LAMA3: variants seen among roughly 807,000 people sequenced by gnomAD.
LAMA3 encodes laminin subunit alpha-3.
In LAMA3, 281 loss-of-function variants were observed where a neutral mutation model predicts 402.0. That is an observed-to-expected ratio of 0.70 (90% CI 0.63 to 0.77). The LOEUF is 0.77. Ranked by LOEUF, LAMA3 falls within the 30% of genes least tolerant of loss-of-function variation. LAMA3 has a pLI of 0.00. For missense variants in LAMA3, 3,840 were observed against 4,215.5 expected (o/e 0.91, Z 2.47); for synonymous variants, 1,431 against 1,558.4 (o/e 0.92, Z 1.93).
intron 11 of LAMA3, among the ~76,000 whole-genome samples, chr18:23,782,536 G>C (rs1161237849): frequency 2.0e-5 from 3 of 152,080 alleles, no homozygotes; most frequent in African/African-American, 4.8e-5. Flanking sequence ...CTGGGCGATA[G>C]AATGAAACTC....
At chr18:23,954,049 G>T (rs557650018) in intron 74 of LAMA3, among the ~76,000 whole-genome samples, 1 of 152,316 alleles carries the variant, frequency 6.6e-6, no homozygotes, top group South Asian at 2.1e-4. Flanking sequence ...TCAGACGCCT[G>T]CCTGAAGTGG....
chr18:23,819,026 G>A (rs939769010), intron 18 of LAMA3, among the ~76,000 whole-genome samples: 1 of 152,082 alleles, frequency 6.6e-6, no homozygotes, highest in African/African-American at 2.4e-5. Flanking sequence ...CATTTTTAAG[G>A]ATCTTTGTAA....
intron 8 of LAMA3, among the ~76,000 whole-genome samples, chr18:23,768,382 G>GA (rs2062124582): frequency 6.6e-6 from 1 of 152,126 alleles, no homozygotes; most frequent in African/African-American, 2.4e-5. Context: ...ACAAACGTAT[G>GA]AAAAAATGCT....
At chr18:23,835,325 C>T (rs979214458) in intron 24 of LAMA3, among the ~76,000 whole-genome samples, 3 of 152,224 alleles carry the variant, frequency 2.0e-5, no homozygotes, top group Non-Finnish European at 2.9e-5. Flanking sequence ...CTATTCATAA[C>T]AACCCTGGTG....
intron 68 of LAMA3, among the ~76,000 whole-genome samples, chr18:23,940,510 T>C (rs2082465031): frequency 6.6e-6 from 1 of 152,200 alleles, no homozygotes; most frequent in Admixed American, 6.5e-5. Context: ...TCTATGCCTG[T>C]CTTGCGTGTT....
intron 13 of LAMA3, 75 bp from the exon 14 acceptor site, chr18:23,812,982 T>C (rs1598842942): frequency 2.9e-6 from 3 of 1,046,246 alleles, no homozygotes; most frequent in Non-Finnish European, 4.5e-6. Flanking sequence ...AAACAAAACG[T>C]TTAAAACTTG....
chr18:23,744,886 C>T (rs2061625003), intron 2 of LAMA3, among the ~76,000 whole-genome samples: 1 of 133,686 alleles, frequency 7.5e-6, no homozygotes, highest in Non-Finnish European at 1.6e-5. Flanking sequence ...CAAGATGAAA[C>T]TTGTGGATTA....
chr18:23,691,863 C>T (rs1254894645), intron 1 of LAMA3, among the ~76,000 whole-genome samples: 1 of 152,204 alleles, frequency 6.6e-6, no homozygotes, highest in Non-Finnish European at 1.5e-5. Flanking sequence ...TGAGCCACTG[C>T]ACCCGGCCTG....
Position 23,689,656 on chromosome 18 carries a change from C to G in LAMA3, c.-28C>G, listed in dbSNP as rs2060539570. ...TGCCCCCGAGCCCCTCTGCGGACGG[C>G]TCAGGCGGGAGGACCCCGCGCGGCT... is the stretch of plus-strand genomic sequence containing the variant. On this transcript the variant is annotated 5_prime_UTR_variant, in exon 1 of 75. Transcript: ENST00000313654. The G allele has an allele frequency of 5.4e-6, 7 of 1,299,452 alleles. No individual in the cohort carries two copies. The highest frequency in any genetic ancestry group is 6.8e-6 in the Non-Finnish European group (7 of 1,029,472). The allele number at this position is 1,299,452 out of a possible 1,614,324, so 80.5% of individuals were successfully genotyped here. A position where few individuals can be genotyped will look rare whatever the true frequency, so the allele number is the denominator to read the frequency against.
chr18:23,715,749 T>C (rs935648241), intron 2 of LAMA3, among the ~76,000 whole-genome samples: 2 of 152,210 alleles, frequency 1.3e-5, no homozygotes, highest in Non-Finnish European at 2.9e-5. Context: ...ATGCTAATAC[T>C]AATATTAATG....
intron 68 of LAMA3, among the ~76,000 whole-genome samples, chr18:23,940,467 T>G (rs2082462191): frequency 6.6e-6 from 1 of 152,252 alleles, no homozygotes; most frequent in Non-Finnish European, 1.5e-5. Flanking sequence ...GGCTGCCACA[T>G]GCCGTTTAAC....
chr18:23,771,802 G>C (rs16960457), intron 8 of LAMA3, among the ~76,000 whole-genome samples: 5,962 of 152,242 alleles, frequency 0.039, 124 homozygotes, highest in Middle Eastern at 0.14. Context: ...GGTGTTCACT[G>C]TAAAGTTGGG....
chr18:23,731,802 TG>T (rs943970752), intron 2 of LAMA3, among the ~76,000 whole-genome samples: 12 of 152,140 alleles, frequency 7.9e-5, no homozygotes, highest in African/African-American at 2.9e-4. Context: ...GGGAAACTAC[TG>T]GGTACCATGC....
In LAMA3 at chr18:23,784,053, C is replaced by T. The variant is rs534293265; in HGVS notation, c.1499C>T (p.Pro500Leu). Residue 500 changes from proline to leucine, a missense_variant, in exon 12 of 75, where the codon CCT (proline) becomes CTT (leucine). Physicochemically the swap from Pro to Leu is moderately conservative, Grantham distance 98. Coordinates refer to ENST00000313654, the MANE Select transcript of LAMA3 (RefSeq NM_198129.4). ...GACTGTAATCTGGAAGGTGTTCTCCCTGAAATATGTGATGCCCACGGACGG... is the reference window on the plus strand; with the variant it reads ...GACTGTAATCTGGAAGGTGTTCTCCTTGAAATATGTGATGCCCACGGACGG... ...GCDCNLEGVLPEICDAHGRCL... is the reference protein window; with the variant it reads ...GCDCNLEGVLLEICDAHGRCL... The T allele has an allele frequency of 3.7e-6, 6 of 1,614,082 alleles. No individual in the cohort carries two copies. The African/African-American group carries it at 8.0e-5, about 22-fold the overall frequency.
chr18:23,933,879 A>G lies in LAMA3; in HGVS notation c.8806A>G (p.Met2936Val), dbSNP rs1198354721. 6.2e-7 allele frequency: 1 copy of G among 1,613,986 alleles called. No individual in the cohort carries two copies. The highest frequency in any genetic ancestry group is 8.5e-7 in the Non-Finnish European group (1 of 1,180,000). The part of the protein sequence containing the change: ...GCSLNKPPFL[M>V]LLKGSTRFNK... ...CAGTTTAAACAAACCACCTTTTCTAATGTTGCTTAAAGGTTCTACCAGGTT... is the reference window on the plus strand; with the variant it reads ...CAGTTTAAACAAACCACCTTTTCTAGTGTTGCTTAAAGGTTCTACCAGGTT... The change falls in exon 67 of 75, where the codon ATG becomes GTG. Residue 2936 changes from methionine (M) to valine (V), a missense_variant. By Grantham distance (21) the Met-to-Val change is conservative. This residue lies in a region of LAMA3 where 840 missense variants were observed against 981.9 expected (regional missense o/e 0.86). Coordinates refer to ENST00000313654, the MANE Select transcript of LAMA3 (RefSeq NM_198129.4).
intron 2 of LAMA3, among the ~76,000 whole-genome samples, chr18:23,728,970 G>A (rs1444189639): frequency 1.4e-5 from 2 of 146,870 alleles, no homozygotes; most frequent in African/African-American, 5.1e-5. Flanking sequence ...GGCAGAGGTT[G>A]CAGTGAGCGG....
intron 8 of LAMA3, among the ~76,000 whole-genome samples, chr18:23,764,961 A>G (rs1262155748): frequency 6.6e-6 from 1 of 152,178 alleles, no homozygotes; most frequent in Non-Finnish European, 1.5e-5. Context: ...CATATGATAA[A>G]CTATGGGCAA....
At chr18:23,777,439 T>A in intron 10 of LAMA3, 118 bp from the exon 11 acceptor site, 1 of 738,592 alleles carries the variant, frequency 1.4e-6, no homozygotes, top group Non-Finnish European at 2.4e-6. Flanking sequence ...TAAATTAGTC[T>A]CTATATGCTA....
At chr18:23,952,137 G>A (rs972456237) in intron 73 of LAMA3, among the ~76,000 whole-genome samples, 1 of 152,192 alleles carries the variant, frequency 6.6e-6, no homozygotes. Flanking sequence ...TTCCCTGTGT[G>A]ACCTTGGACA....
Sources: allele counts gnomAD v4.1 joint callset (sites outside exome capture counted in the v4.1 genomes callset), GRCh38; gene constraint gnomAD v4.1.1; regional missense constraint gnomAD v4.1.1; transcripts MANE v1.5; gene names NCBI Gene and HGNC (gene_info 2026-07-23, HGNC 2026-07-21).